NREP: variants seen among roughly 807,000 people sequenced by gnomAD.
NREP encodes neuronal regeneration related protein, also known as neuronal regeneration-related protein.
A neutral mutation model predicts 8.6 loss-of-function variants in NREP; 5 were observed. The observed-to-expected ratio is 0.58, with a 90% confidence interval of 0.30 to 1.22. NREP has a LOEUF of 1.22. Ranked by LOEUF, NREP falls within the 50% of genes most tolerant of loss-of-function variation. NREP has a pLI of 0.07. For missense variants in NREP, 86 were observed against 82.5 expected (o/e 1.04, Z -0.17); for synonymous variants, 27 against 28.0 (o/e 0.96, Z 0.11).
chr5:111,912,142 C>A (rs1004028525), intron 2 of NREP, among the ~76,000 whole-genome samples: 55 of 151,922 alleles, frequency 3.6e-4, no homozygotes, highest in Non-Finnish European at 2.9e-4. Flanking sequence ...TTTTGTTGGC[C>A]AGTTTAATTT....
chr5:111,776,140 T>A (rs1751351684), intron 2 of NREP, among the ~76,000 whole-genome samples: 1 of 152,286 alleles, frequency 6.6e-6, no homozygotes, highest in East Asian at 1.9e-4. Flanking sequence ...AATTTGGTCA[T>A]ATAGACTCAC....
chr5:111,885,597 C>T (rs1754221352), intron 2 of NREP, among the ~76,000 whole-genome samples: 1 of 151,904 alleles, frequency 6.6e-6, no homozygotes, highest in Non-Finnish European at 1.5e-5. Context: ...GTAACCAAAA[C>T]AGCATGGTAC....
chr5:111,824,909 T>C (rs765595901), intron 2 of NREP, among the ~76,000 whole-genome samples: 1 of 152,232 alleles, frequency 6.6e-6, no homozygotes, highest in African/African-American at 2.4e-5. Flanking sequence ...TAGGTCTTTA[T>C]GTAAAGTGCT....
At chr5:111,838,916 A>G (rs1274354404) in intron 2 of NREP, among the ~76,000 whole-genome samples, 2 of 152,100 alleles carry the variant, frequency 1.3e-5, no homozygotes, top group Non-Finnish European at 2.9e-5. Flanking sequence ...AATTTTGAAC[A>G]TGGATTTAAT....
chr5:111,741,448 T>C (rs1357646986), intron 2 of NREP, among the ~76,000 whole-genome samples: 1 of 152,136 alleles, frequency 6.6e-6, no homozygotes. Context: ...TGTTCCCAGG[T>C]GTTACTGGTC....
chr5:111,943,070 T>G (rs897521944), intron 2 of NREP, among the ~76,000 whole-genome samples: 2 of 152,038 alleles, frequency 1.3e-5, no homozygotes, highest in African/African-American at 4.8e-5. Flanking sequence ...TGCTGTCTCC[T>G]GTAGTCCTCT....
intron 2 of NREP, among the ~76,000 whole-genome samples, chr5:111,743,994 G>A (rs1028830846): frequency 2.0e-5 from 3 of 152,050 alleles, no homozygotes; most frequent in Non-Finnish European, 2.9e-5. Context: ...GGCTGATGAG[G>A]TAAGTATTTA....
intron 2 of NREP, among the ~76,000 whole-genome samples, chr5:111,810,385 C>T (rs2112913442): frequency 6.6e-6 from 1 of 152,296 alleles, no homozygotes; most frequent in Admixed American, 6.5e-5. Context: ...AGTTCCTGGG[C>T]CATGAGCCAG....
At chr5:111,798,579 G>C (rs1310991029) in intron 2 of NREP, among the ~76,000 whole-genome samples, 1 of 151,888 alleles carries the variant, frequency 6.6e-6, no homozygotes, top group Non-Finnish European at 1.5e-5. Context: ...TGCATCCTCA[G>C]TCCTCATAGT....
Position 111,975,472 on chromosome 5 carries a change from CA to C in NREP, c.31-95del. 3.9e-6 allele frequency: 3 copies of C among 779,152 alleles called. No homozygotes were observed. The South Asian group carries it at 4.9e-5, about 13-fold the overall frequency. The allele number at this position is 779,152 out of a possible 1,614,324, so 48.3% of individuals were successfully genotyped here. A position where few individuals can be genotyped will look rare whatever the true frequency, so the allele number is the denominator to read the frequency against. On this transcript the variant is annotated intron_variant, in intron 1 of 3. Coordinates refer to the NREP transcript ENST00000395634. ...GCAATTCAGAGAGGAGGAGAATGGG[CA>C]TTGTTCTCATTTCTAAAATGAGAAG... is the stretch of plus-strand genomic sequence containing the variant.
At chr5:111,904,503 A>T (rs1468101739) in intron 2 of NREP, among the ~76,000 whole-genome samples, 1 of 152,124 alleles carries the variant, frequency 6.6e-6, no homozygotes, top group Admixed American at 6.6e-5. Context: ...CATTGGAATT[A>T]TATAGTATGT....
chr5:111,882,395 G>T (rs1754105182), intron 2 of NREP, among the ~76,000 whole-genome samples: 1 of 152,204 alleles, frequency 6.6e-6, no homozygotes, highest in Non-Finnish European at 1.5e-5. Context: ...AACTAAGTTG[G>T]AAAACACTCT....
intron 3 of NREP, chr5:111,733,173 G>A (rs1748757802): frequency 6.6e-6 from 1 of 152,170 alleles, no homozygotes; most frequent in African/African-American, 2.4e-5. Context: ...CATTTTCTGA[G>A]TGCCTACTAT....
chr5:111,812,393 A>G (rs1342192112), intron 2 of NREP, among the ~76,000 whole-genome samples: 3 of 152,210 alleles, frequency 2.0e-5, no homozygotes, highest in Admixed American at 6.5e-5. Flanking sequence ...AAGATCATGA[A>G]GTATTATCTT....
At chr5:111,930,601 C>A (rs1432677187) in intron 2 of NREP, among the ~76,000 whole-genome samples, 1 of 152,164 alleles carries the variant, frequency 6.6e-6, no homozygotes, top group Non-Finnish European at 1.5e-5. Flanking sequence ...ATGCACATGA[C>A]TTTGTGACTA....
chr5:111,890,420 G>T (rs1007040686), intron 2 of NREP, among the ~76,000 whole-genome samples: 1 of 152,154 alleles, frequency 6.6e-6, no homozygotes, highest in Non-Finnish European at 1.5e-5. Flanking sequence ...ACCATTCTGG[G>T]TTCTGGAGAG....
chr5:111,856,307 T>C (rs1753426053), intron 2 of NREP, among the ~76,000 whole-genome samples: 1 of 152,196 alleles, frequency 6.6e-6, no homozygotes, highest in African/African-American at 2.4e-5. Context: ...ATACAGATAG[T>C]GTCAGAGCCT....
At position 111,779,548 on chromosome 5, in the gene NREP, A is replaced by G. The variant is rs573961748; in HGVS notation, c.136-44041T>C. 5.3e-5 allele frequency among the ~76,000 whole-genome samples: 8 copies of G among 152,316 alleles called. No homozygotes were observed. In the South Asian group the frequency reaches 1.7e-3, roughly 32 times the overall value. The stretch of plus-strand genomic sequence containing the variant: ...CCCATTCACTGGAGCTATGAGAACC[A>G]GGAGGAGAGGCTTAGGTCAAACTCT... On this transcript the variant is annotated intron_variant, in intron 2 of 3. Coordinates refer to the NREP transcript ENST00000395634.
rs116184550 is a variant in NREP at position 111,814,222 on chromosome 5, C to A, written c.136-78715G>T. Among the ~76,000 whole-genome samples, 678 of 152,188 alleles carry A rather than the reference C, an allele frequency of 4.5e-3. 5 individuals carry two copies. The highest frequency in any genetic ancestry group is 0.012 in the African/African-American group (482 of 41,554). ...TTATTTGATATATTTACTTAGGACA[C>A]TGAACACCTGCAGATATGATCAGTT... is the stretch of plus-strand genomic sequence containing the variant. On this transcript the variant is annotated intron_variant, in intron 2 of 3. Coordinates refer to the NREP transcript ENST00000395634.
Sources: allele counts gnomAD v4.1 joint callset (sites outside exome capture counted in the v4.1 genomes callset), GRCh38; gene constraint gnomAD v4.1.1; transcripts MANE v1.5; gene names NCBI Gene and HGNC (gene_info 2026-07-23, HGNC 2026-07-21).